The following RINT1 variants were observed in gnomAD, a reference collection of about 807,000 sequenced individuals.
RINT1 encodes RAD50-interacting protein 1.
A neutral mutation model predicts 97.7 loss-of-function variants in RINT1; 75 were observed. That is an observed-to-expected ratio of 0.77 (90% CI 0.64 to 0.93). RINT1 has a LOEUF of 0.93. RINT1 is among the 40% of genes least tolerant of loss of function. The pLI, the probability that RINT1 is intolerant of heterozygous loss-of-function variation, is 0.00. For missense variants in RINT1, 892 were observed against 925.2 expected (o/e 0.96, Z 0.47); for synonymous variants, 303 against 326.3 (o/e 0.93, Z 0.77).
chr7:105,556,815 C>T (rs1371150273), intron 11 of RINT1, among the ~76,000 whole-genome samples: 1 of 152,176 alleles, frequency 6.6e-6, no homozygotes, highest in Non-Finnish European at 1.5e-5. Context: ...TATCAGGACT[C>T]TTTGGCAACC....
intron 11 of RINT1, 60 bp downstream of exon 11, chr7:105,555,287 C>A: frequency 7.2e-7 from 1 of 1,381,838 alleles, no homozygotes; most frequent in Non-Finnish European, 9.9e-7. Context: ...TTTATTAATA[C>A]TTTTCAAAAT....
rs375617404 is a variant in RINT1 at position 105,567,641 on chromosome 7, A to G, written c.*330A>G. The G allele has an allele frequency of 2.8e-5, 15 of 543,550 alleles. No homozygotes were observed. In the African/African-American group the frequency reaches 2.9e-4, roughly 10 times the overall value. 33.7% of individuals were successfully genotyped at this position (543,550 alleles called of 1,614,324 possible). A position where few individuals can be genotyped will look rare whatever the true frequency, so the allele number is the denominator to read the frequency against. On this transcript the variant is annotated 3_prime_UTR_variant, in exon 15 of 15. Coordinates refer to ENST00000257700, the MANE Select transcript of RINT1 (RefSeq NM_021930.6). ...CTAATTAAGGGAAATTCTGTTGTGGATAATCAAACATAGCCAATAAATTTT... is the reference window on the plus strand; with the variant it reads ...CTAATTAAGGGAAATTCTGTTGTGGGTAATCAAACATAGCCAATAAATTTT...
intron 11 of RINT1, among the ~76,000 whole-genome samples, chr7:105,561,263 C>A (rs1236799646): frequency 6.6e-6 from 1 of 151,994 alleles, no homozygotes; most frequent in Non-Finnish European, 1.5e-5. Context: ...CATGGTGGCT[C>A]ACACCTGTAA....
intron 3 of RINT1, among the ~76,000 whole-genome samples, chr7:105,537,898 A>T (rs376851216): frequency 2.0e-5 from 3 of 152,226 alleles, no homozygotes; most frequent in African/African-American, 7.2e-5. Flanking sequence ...CATATCACTT[A>T]AAATAATTTT....
chr7:105,566,737 C>G (rs1207524344), intron 14 of RINT1: 2 of 153,218 alleles, frequency 1.3e-5, no homozygotes, highest in Non-Finnish European at 2.9e-5. Flanking sequence ...TTACACGTTT[C>G]ATAGGACTGT....
In RINT1 at chr7:105,537,152, C is replaced by T. The variant is rs532964075; in HGVS notation, c.273+403C>T. Among the ~76,000 whole-genome samples the T allele has an allele frequency of 1.1e-3, 101 of 88,628 alleles. 1 individual carries two copies. The highest frequency in any genetic ancestry group is 2.0e-3 in the African/African-American group (50 of 24,412). 58.1% of individuals were successfully genotyped at this position (88,628 alleles called of 152,430 possible). ...TTTTTTTTTTTTTTTTTTTTTGAGA[C>T]GGAGTTTTGCTCTTGTTGCCCAGGT... On this transcript the variant is annotated intron_variant, in intron 3 of 14. Coordinates refer to ENST00000257700, the MANE Select transcript of RINT1 (RefSeq NM_021930.6).
chr7:105,539,110 A>C (rs1428653443), intron 3 of RINT1, among the ~76,000 whole-genome samples: 5 of 152,112 alleles, frequency 3.3e-5, no homozygotes, highest in Non-Finnish European at 7.4e-5. Context: ...TTCCCTAATG[A>C]CCACAGAAAC....
chr7:105,554,976 A>G (rs1213042821), intron 10 of RINT1, 52 bp from the exon 11 acceptor site: 4 of 1,424,426 alleles, frequency 2.8e-6, no homozygotes, highest in South Asian at 1.2e-5. Context: ...ACTTATAACT[A>G]TATCATAGAT....
chr7:105,543,656 A>T (rs1459236269), intron 4 of RINT1, among the ~76,000 whole-genome samples: 1 of 152,152 alleles, frequency 6.6e-6, no homozygotes, highest in Non-Finnish European at 1.5e-5. Context: ...GTCTTCTGGG[A>T]GTCTTAATGT....
rs986540926 is a variant in RINT1, at chr7:105,565,351, C to A, written c.1961C>A (p.Thr654Lys). 1 of 1,614,184 alleles carries A rather than the reference C, an allele frequency of 6.2e-7. No individual in the cohort carries two copies. Among genetic ancestry groups the A allele is most frequent in the Non-Finnish European group, 8.5e-7 (1 of 1,180,010 alleles). Residue 654 changes from threonine to lysine, a missense_variant, in exon 13 of 15, where the codon ACG becomes AAG. Thr to Lys is a moderately conservative substitution (Grantham distance 78). Transcript: ENST00000257700. ...AGTTCGGCTTGCCCGTTGCTGCTGA[C>A]GTTACGAGACCATTTACTTCAGTTG... Reference protein sequence around the residue: ...LSSSACPLLLTLRDHLLQLEQ... With the variant: ...LSSSACPLLLKLRDHLLQLEQ...
intron 2 of RINT1, among the ~76,000 whole-genome samples, chr7:105,535,404 AT>A (rs1790189884): frequency 6.6e-6 from 1 of 151,548 alleles, no homozygotes; most frequent in Non-Finnish European, 1.5e-5. Flanking sequence ...TAATTTTTGT[AT>A]TTTTAGTAGA....
chr7:105,564,150 C>T (rs951831635), intron 12 of RINT1, among the ~76,000 whole-genome samples: 2 of 152,116 alleles, frequency 1.3e-5, no homozygotes, highest in African/African-American at 2.4e-5. Context: ...TGCAGTTGCA[C>T]GATCTTGGCT....
intron 11 of RINT1, 29 bp from the exon 12 acceptor site, chr7:105,563,704 C>T (rs138774186): frequency 6.5e-7 from 1 of 1,542,980 alleles, no homozygotes; most frequent in South Asian, 1.1e-5. Flanking sequence ...AAAAAGTATG[C>T]TAATGTGTTA....
intron 4 of RINT1, among the ~76,000 whole-genome samples, chr7:105,545,747 C>T (rs1188292616): frequency 2.0e-5 from 3 of 150,696 alleles, no homozygotes; most frequent in African/African-American, 7.3e-5. Flanking sequence ...CCAGGCTGGT[C>T]TCGAACTCCT....
intron 6 of RINT1, 67 bp from the exon 7 acceptor site, chr7:105,548,487 A>T: frequency 2.1e-6 from 3 of 1,462,368 alleles, no homozygotes; most frequent in African/African-American, 1.4e-5. Context: ...TTGTGTGTGT[A>T]TACATACATA....
At chr7:105,559,550 A>G (rs1791341920) in intron 11 of RINT1, among the ~76,000 whole-genome samples, 1 of 139,154 alleles carries the variant, frequency 7.2e-6, no homozygotes, top group Admixed American at 6.9e-5. Context: ...CAAAAAAAAA[A>G]AAAAAAAAAA....
chr7:105,553,448 C>T (rs9691235), intron 10 of RINT1, among the ~76,000 whole-genome samples: 2 of 151,184 alleles, frequency 1.3e-5, no homozygotes, highest in Admixed American at 6.6e-5. Flanking sequence ...TGGCCAGGCA[C>T]GGTGGCTCAC....
In RINT1 at chr7:105,547,302, C is replaced by A; in HGVS notation, c.808C>A (p.Leu270Met). Residue 270 changes from leucine to methionine, a missense_variant, in exon 6 of 15, where the codon CTG becomes ATG. Transcript: ENST00000257700. ...APEIYSYLET[L>M]FCQLLKLQTS... The stretch of plus-strand genomic sequence containing the variant: ...GGAGATATACAGTTACCTGGAGACA[C>A]TGTTTTGTCAGCTTTTGAAACTACA... 2 of 1,614,198 alleles carry A rather than the reference C, an allele frequency of 1.2e-6. No homozygotes were observed. The highest frequency in any genetic ancestry group is 2.2e-5 in the East Asian group (1 of 44,892).
At chr7:105,540,122 A>G (rs556089668) in intron 3 of RINT1, among the ~76,000 whole-genome samples, 5 of 141,970 alleles carry the variant, frequency 3.5e-5, no homozygotes, top group Non-Finnish European at 1.5e-5. Context: ...TCTGTCGCCC[A>G]GGCTGGAGTG....
Sources: allele counts gnomAD v4.1 joint callset (sites outside exome capture counted in the v4.1 genomes callset), GRCh38; gene constraint gnomAD v4.1.1; transcripts MANE v1.5; gene names NCBI Gene and HGNC (gene_info 2026-07-23, HGNC 2026-07-21).